The following ARID1B variants were observed in gnomAD, a reference collection of about 807,000 sequenced individuals.
ARID1B encodes the protein AT-rich interactive domain-containing protein 1B.
Under a neutral mutation model 212.3 loss-of-function variants are expected in ARID1B, and 30 were observed. The observed-to-expected ratio is 0.14, with a 90% confidence interval of 0.11 to 0.19. The LOEUF is 0.19. Among genes scored for constraint, ARID1B ranks in the 10% least tolerant of loss-of-function variants. ARID1B has a pLI of 1.00. For synonymous variants in ARID1B, 1,402 were observed against 1,301.7 expected (o/e 1.08, Z -1.66); for missense variants, 2,891 against 3,204.0 (o/e 0.90, Z 2.36).
At chr6:157,130,775 C>A (rs1159457991) in intron 6 of ARID1B, among the ~76,000 whole-genome samples, 1 of 152,174 alleles carries the variant, frequency 6.6e-6, no homozygotes, top group Non-Finnish European at 1.5e-5. Flanking sequence ...CCAGCTGCCT[C>A]AGTGGATTTT....
rs562200672 is a variant in ARID1B, at chr6:157,011,966, G to A, written c.2248-72696G>A. Among the ~76,000 whole-genome samples, 30 of 152,306 alleles carry A rather than the reference G, an allele frequency of 2.0e-4. 1 individual carries two copies. Among genetic ancestry groups the A allele is most frequent in the East Asian group, 9.6e-4 (5 of 5,184 alleles). ...TCTAGAAAGCAGCCAGAGAAAAAGC[G>A]CAGCTCATCTATAAAGAAATAGACT... On this transcript the variant is annotated intron_variant, in intron 4 of 19. Coordinates refer to ENST00000636930, the MANE Select transcript of ARID1B (RefSeq NM_001374828.1).
intron 4 of ARID1B, among the ~76,000 whole-genome samples, chr6:156,980,339 C>T (rs1054504350): frequency 5.3e-5 from 8 of 152,022 alleles, no homozygotes; most frequent in East Asian, 3.9e-4. Context: ...AAAAATTAGC[C>T]GGGCGTGGTG....
chr6:157,109,548 T>G (rs1448177312), intron 5 of ARID1B, among the ~76,000 whole-genome samples: 1 of 152,224 alleles, frequency 6.6e-6, no homozygotes, highest in Non-Finnish European at 1.5e-5. Flanking sequence ...TAAATTCAGC[T>G]GCTTTTTAAA....
chr6:157,025,811 C>G (rs922393367), intron 4 of ARID1B, among the ~76,000 whole-genome samples: 1 of 152,172 alleles, frequency 6.6e-6, no homozygotes, highest in Non-Finnish European at 1.5e-5. Flanking sequence ...TTTCATTGCT[C>G]TTGGGTGAAT....
rs1290349657 is a variant in ARID1B, at chr6:156,995,830, ATAAACAAGGAATAATTTCCTAGCT to A, written c.2247+60259_2247+60282del. 3.9e-5 allele frequency among the ~76,000 whole-genome samples: 6 copies of A among 152,352 alleles called. No individual in the cohort carries two copies. In the East Asian group the frequency reaches 9.6e-4, roughly 24 times the overall value. On this transcript the variant is annotated intron_variant, in intron 4 of 19. Transcript: ENST00000636930. ...ACGCACGGTTAAATTTGAATTTCAG[ATAAACAAGGAATAATTTCCTAGCT>A]TAAATGCGTCTTATATATTACATGG...
chr6:156,821,289 T>TG (rs1361554552), intron 1 of ARID1B, among the ~76,000 whole-genome samples: 2 of 152,184 alleles, frequency 1.3e-5, no homozygotes, highest in Non-Finnish European at 2.9e-5. Context: ...GCAGAGCTCT[T>TG]AGACTGTGTT....
chr6:156,859,699 C>G (rs921903160), intron 2 of ARID1B, among the ~76,000 whole-genome samples: 3 of 152,116 alleles, frequency 2.0e-5, no homozygotes. Flanking sequence ...GATTAAAAGC[C>G]GTAGGTTGCA....
chr6:156,811,261 T>G (rs1781535686), intron 1 of ARID1B, among the ~76,000 whole-genome samples: 1 of 152,162 alleles, frequency 6.6e-6, no homozygotes, highest in African/African-American at 2.4e-5. Flanking sequence ...GTCTCTTCCT[T>G]TGCTATATTT....
chr6:157,113,070 T>C (rs1787049446), intron 6 of ARID1B, among the ~76,000 whole-genome samples: 1 of 152,014 alleles, frequency 6.6e-6, no homozygotes, highest in Admixed American at 6.5e-5. Flanking sequence ...TACAGGCATG[T>C]GCCACCATGC....
intron 4 of ARID1B, among the ~76,000 whole-genome samples, chr6:156,952,141 T>C (rs890018887): frequency 1.3e-5 from 2 of 152,150 alleles, no homozygotes; most frequent in African/African-American, 4.8e-5. Flanking sequence ...TTTTTATACA[T>C]GTGTTTTTCT....
At chr6:157,145,204 G>A (rs1789637481) in intron 7 of ARID1B, among the ~76,000 whole-genome samples, 1 of 152,180 alleles carries the variant, frequency 6.6e-6, no homozygotes, top group East Asian at 1.9e-4. Context: ...GCTGTTGCTA[G>A]TGTAGCAGTT....
At chr6:157,025,493 G>A (rs972785275) in intron 4 of ARID1B, among the ~76,000 whole-genome samples, 6 of 152,134 alleles carry the variant, frequency 3.9e-5, no homozygotes, top group African/African-American at 1.4e-4. Context: ...CCAAGTCCTG[G>A]CTGCCACAGA....
At chr6:157,021,122 G>C (rs578001829) in intron 4 of ARID1B, among the ~76,000 whole-genome samples, 36 of 152,246 alleles carry the variant, frequency 2.4e-4, no homozygotes, top group African/African-American at 8.4e-4. Flanking sequence ...TTGAGAGAGG[G>C]GGATTTTAGA....
intron 2 of ARID1B, among the ~76,000 whole-genome samples, chr6:156,883,218 G>T (rs952659534): frequency 2.0e-5 from 3 of 152,142 alleles, no homozygotes; most frequent in Non-Finnish European, 4.4e-5. Context: ...TTTATTCTTG[G>T]TAGCATTATT....
Position 157,207,461 on chromosome 6 carries a change from G to A in ARID1B, c.6689G>A (p.Arg2230His), listed in dbSNP as rs781613431. ...DLILATPPFS[R>H]QEKFYATLVR... ...ATCTTGGCCACTCCTCCATTTAGTC[G>A]TCAGGAGAAATTCTATGCTACATTA... Residue 2230 changes from arginine (R) to histidine (H), a missense_variant, in exon 20 of 20, where the codon CGT becomes CAT. Coordinates refer to ENST00000636930, the MANE Select transcript of ARID1B (RefSeq NM_001374828.1). This position sits in a 1 kb window ranked among gnomAD's most constrained non-coding sequence, Gnocchi z 8.5. 6 of 1,613,970 alleles carry A rather than the reference G, an allele frequency of 3.7e-6. No individual in the cohort carries two copies. The highest frequency in any genetic ancestry group is 3.3e-5 in the Admixed American group (2 of 59,996).
At chr6:157,177,133 T>C (rs1792149985) in intron 11 of ARID1B, among the ~76,000 whole-genome samples, 1 of 152,230 alleles carries the variant, frequency 6.6e-6, no homozygotes, top group South Asian at 2.1e-4. Flanking sequence ...AATATTTCCA[T>C]ATATATGATC....
At chr6:156,965,474 C>T (rs1348773316) in intron 4 of ARID1B, among the ~76,000 whole-genome samples, 1 of 152,192 alleles carries the variant, frequency 6.6e-6, no homozygotes, top group Admixed American at 6.5e-5. Flanking sequence ...TCGATGACTG[C>T]TCTGCCTAGT....
At chr6:156,975,698 T>C (rs1022632840) in intron 4 of ARID1B, among the ~76,000 whole-genome samples, 2 of 151,710 alleles carry the variant, frequency 1.3e-5, no homozygotes, top group African/African-American at 4.9e-5. Context: ...TCTTTTTAAT[T>C]TTATTGTTCT....
Position 156,777,748 on chromosome 6 carries a change from G to A in ARID1B, c.68G>A (p.Gly23Asp). 4 of 420,318 alleles carry A rather than the reference G, an allele frequency of 9.5e-6. No individual in the cohort carries two copies. The highest frequency in any genetic ancestry group is 1.3e-5 in the Non-Finnish European group (4 of 318,238). The allele number at this position is 420,318 out of a possible 1,614,324, so 26.0% of individuals were successfully genotyped here. A position where few individuals can be genotyped will look rare whatever the true frequency, so the allele number is the denominator to read the frequency against. ...CGGGCGCGGGCGCGGGCAGGCAGCG[G>A]CGAACGGCGGGCGCCCCCCGGGCCG... ...AARARARAGS[G>D]ERRAPPGPRP... The change falls in exon 1 of 20, where the codon GGC becomes GAC. Residue 23 changes from glycine (G) to aspartate (D), a missense_variant. This residue lies in a region of ARID1B where 1,643 missense variants were observed against 1,544.0 expected (regional missense o/e 1.06). Transcript: ENST00000636930.
Sources: allele counts gnomAD v4.1 joint callset (sites outside exome capture counted in the v4.1 genomes callset), GRCh38; gene constraint gnomAD v4.1.1; regional missense constraint gnomAD v4.1.1; non-coding constraint Gnocchi (gnomAD v3.1); transcripts MANE v1.5; gene names NCBI Gene and HGNC (gene_info 2026-07-23, HGNC 2026-07-21).